Variants in KCNQ5 observed in about 807,000 individuals in gnomAD.
KCNQ5 encodes potassium voltage-gated channel subfamily KQT member 5.
In KCNQ5, 30 loss-of-function variants were observed where a neutral mutation model predicts 98.2. That is an observed-to-expected ratio of 0.31 (90% CI 0.23 to 0.41). The LOEUF (loss-of-function observed/expected upper bound fraction) is 0.41, where lower values mean the gene tolerates loss of function less well. Among genes scored for constraint, KCNQ5 ranks in the 10% least tolerant of loss-of-function variants. The pLI is 1.00. For missense variants in KCNQ5, 835 were observed against 1,182.5 expected (o/e 0.71, Z 4.31); for synonymous variants, 458 against 449.4 (o/e 1.02, Z -0.24).
chr6:72,909,450 A>T (rs1394726575), intron 1 of KCNQ5, among the ~76,000 whole-genome samples: 2 of 152,198 alleles, frequency 1.3e-5, no homozygotes, highest in Non-Finnish European at 2.9e-5. Flanking sequence ...AAATTTTTCC[A>T]AAGTGAGAAT....
At chr6:72,684,310 A>G (rs1338522679) in intron 1 of KCNQ5, among the ~76,000 whole-genome samples, 1 of 152,180 alleles carries the variant, frequency 6.6e-6, no homozygotes, top group Admixed American at 6.5e-5. Flanking sequence ...ACCTACAGAA[A>G]AGATCCTAGC....
At chr6:72,973,768 G>C (rs1178888014) in intron 1 of KCNQ5, among the ~76,000 whole-genome samples, 2 of 152,148 alleles carry the variant, frequency 1.3e-5, no homozygotes, top group Non-Finnish European at 2.9e-5. Flanking sequence ...AACAGAAACA[G>C]TTTTTCTGTC....
chr6:72,964,306 A>G (rs781467007), intron 1 of KCNQ5, among the ~76,000 whole-genome samples: 1 of 152,168 alleles, frequency 6.6e-6, no homozygotes, highest in Non-Finnish European at 1.5e-5. Flanking sequence ...TTTCATGTGG[A>G]TTATTATAGA....
At chr6:72,983,673 G>A (rs1768588639) in intron 1 of KCNQ5, among the ~76,000 whole-genome samples, 2 of 152,094 alleles carry the variant, frequency 1.3e-5, no homozygotes, top group Admixed American at 6.6e-5. Flanking sequence ...GCCTACTTCT[G>A]CCAACTTGTC....
intron 1 of KCNQ5, among the ~76,000 whole-genome samples, chr6:72,687,558 C>A (rs1343050997): frequency 6.6e-6 from 1 of 152,150 alleles, no homozygotes; most frequent in Non-Finnish European, 1.5e-5. Flanking sequence ...AAAAAGCCAT[C>A]TGATTTGGAC....
intron 10 of KCNQ5, among the ~76,000 whole-genome samples, chr6:73,168,611 G>A (rs1777891577): frequency 6.6e-6 from 1 of 152,026 alleles, no homozygotes; most frequent in Non-Finnish European, 1.5e-5. Flanking sequence ...GCTGAGGCAT[G>A]AGAATTGCTT....
At chr6:72,730,280 A>C (rs2154475730) in intron 1 of KCNQ5, among the ~76,000 whole-genome samples, 1 of 152,230 alleles carries the variant, frequency 6.6e-6, no homozygotes, top group South Asian at 2.1e-4. Context: ...TGTATTATTG[A>C]CTTTACTTAT....
chr6:72,834,162 G>T (rs1776405567), intron 1 of KCNQ5, among the ~76,000 whole-genome samples: 1 of 152,004 alleles, frequency 6.6e-6, no homozygotes, highest in East Asian at 1.9e-4. Context: ...GAATTTTGGG[G>T]GTGGATACAT....
chr6:72,646,619 G>C (rs1272005522), intron 1 of KCNQ5, among the ~76,000 whole-genome samples: 1 of 152,180 alleles, frequency 6.6e-6, no homozygotes, highest in East Asian at 1.9e-4. Flanking sequence ...ATCAAACCCT[G>C]TGTATGGCTG....
Position 72,622,439 on chromosome 6 carries a change from G to A in KCNQ5, c.250G>A (p.Gly84Arg). 1 of 1,562,958 alleles carries A rather than the reference G, an allele frequency of 6.4e-7. No individual in the cohort carries two copies. Among genetic ancestry groups the A allele is most frequent in the Non-Finnish European group, 8.7e-7 (1 of 1,154,566 alleles). ...GLRESRRGKQGARMSLLGKPL... is the reference protein window; with the variant it reads ...GLRESRRGKQRARMSLLGKPL... The stretch of plus-strand genomic sequence containing the variant: ...GAGGGAGAGCCGCCGGGGCAAGCAG[G>A]GGGCCCGGATGAGCCTGCTGGGGAA... The change falls in exon 1 of 14, where the codon GGG (glycine) becomes AGG (arginine). Residue 84 changes from glycine (G) to arginine (R), a missense_variant. By Grantham distance (125) the Gly-to-Arg change is moderately radical (BLOSUM62 -2). This residue lies in a region of KCNQ5 where 54 missense variants were observed against 51.5 expected (regional missense o/e 1.05). Transcript: ENST00000370398. The surrounding 1 kb of genome is among the most constrained non-coding windows in gnomAD (Gnocchi z 6.0).
At chr6:73,178,052 A>G (rs1473085631) in intron 11 of KCNQ5, among the ~76,000 whole-genome samples, 1 of 152,166 alleles carries the variant, frequency 6.6e-6, no homozygotes, top group Non-Finnish European at 1.5e-5. Flanking sequence ...AAAATATTTT[A>G]AAGTAGTCAA....
chr6:72,762,525 A>G (rs1309223033), intron 1 of KCNQ5, among the ~76,000 whole-genome samples: 3 of 152,100 alleles, frequency 2.0e-5, no homozygotes, highest in Admixed American at 6.6e-5. Context: ...ACCAGGCATC[A>G]GCTTTCACAA....
At chr6:72,912,067 G>A (rs575928851) in intron 1 of KCNQ5, among the ~76,000 whole-genome samples, 7 of 152,102 alleles carry the variant, frequency 4.6e-5, no homozygotes, top group Admixed American at 1.3e-4. Context: ...GAGATTGGGG[G>A]ATAAAAGTAC....
rs1779651718 is a variant in KCNQ5 at position 72,905,130 on chromosome 6, C to G, written c.399-98778C>G. 3.3e-5 allele frequency among the ~76,000 whole-genome samples: 5 copies of G among 152,264 alleles called. No homozygotes were observed. The South Asian group carries it at 1.0e-3, about 32-fold the overall frequency. ...TTAATTCAAACGCCTTATCTTCAAGCTCTGAATTTCTTTATTCTACTTGTT... is the reference window on the plus strand; with the variant it reads ...TTAATTCAAACGCCTTATCTTCAAGGTCTGAATTTCTTTATTCTACTTGTT... On this transcript the variant is annotated intron_variant, in intron 1 of 13. Transcript: ENST00000370398.
intron 1 of KCNQ5, among the ~76,000 whole-genome samples, chr6:72,692,597 TGAA>T (rs1768267968): frequency 6.6e-6 from 1 of 152,210 alleles, no homozygotes; most frequent in Non-Finnish European, 1.5e-5. Flanking sequence ...TCTAAGGTGA[TGAA>T]GAACAAAATG....
At chr6:72,717,775 C>T (rs978316052) in intron 1 of KCNQ5, among the ~76,000 whole-genome samples, 10 of 152,138 alleles carry the variant, frequency 6.6e-5, no homozygotes, top group South Asian at 4.1e-4. Context: ...AAATAAAAAT[C>T]GAGTGAATAC....
chr6:72,936,006 G>A (rs557218452), intron 1 of KCNQ5, among the ~76,000 whole-genome samples: 2 of 152,262 alleles, frequency 1.3e-5, no homozygotes, highest in South Asian at 2.1e-4. Flanking sequence ...TCCCTTAAAT[G>A]GTCTCAGTCA....
intron 1 of KCNQ5, among the ~76,000 whole-genome samples, chr6:72,938,237 G>A (rs73753217): frequency 0.014 from 2,111 of 152,216 alleles, 49 homozygotes; most frequent in African/African-American, 0.047. Context: ...ATAGATTCAT[G>A]GTTGCCTAAG....
At chr6:73,072,553 A>G (rs1773343674) in intron 3 of KCNQ5, among the ~76,000 whole-genome samples, 1 of 152,226 alleles carries the variant, frequency 6.6e-6, no homozygotes, top group African/African-American at 2.4e-5. Context: ...GACAGGGTCC[A>G]TGGTGATCAA....
Sources: gnomAD v4.1 joint callset for allele counts (sites outside exome capture counted in the v4.1 genomes callset) on GRCh38, gnomAD v4.1.1 for gene constraint, gnomAD v4.1.1 regional missense constraint, Gnocchi (gnomAD v3.1) non-coding constraint, MANE v1.5 for transcripts, NCBI Gene and HGNC (gene_info 2026-07-23, HGNC 2026-07-21) for gene names.